Variants in ZZEF1 observed in about 807,000 individuals in gnomAD.
The protein encoded by ZZEF1 is zinc finger ZZ-type and EF-hand domain containing 1, also known as zinc finger ZZ-type and EF-hand domain-containing protein 1.
A neutral mutation model predicts 342.8 loss-of-function variants in ZZEF1; 157 were observed. That is an observed-to-expected ratio of 0.46 (90% CI 0.40 to 0.52). The LOEUF is 0.52. Ranked by LOEUF, ZZEF1 falls within the 20% of genes least tolerant of loss-of-function variation. The pLI is 0.00. For missense variants in ZZEF1, 3,480 were observed against 3,725.6 expected (o/e 0.93, Z 1.72); for synonymous variants, 1,505 against 1,429.1 (o/e 1.05, Z -1.20).
At chr17:4,019,603 C>T in intron 46 of ZZEF1, 66 bp downstream of exon 46, 1 of 1,434,620 alleles carries the variant, frequency 7.0e-7, no homozygotes, top group Non-Finnish European at 9.7e-7. Flanking sequence ...CCAGGAGGCG[C>T]ACACCCTCCC....
At position 4,017,909 on chromosome 17, in the gene ZZEF1, G is replaced by C. The variant is rs142933706; in HGVS notation, c.7568C>G (p.Pro2523Arg). ...RIRSLAQRWQ[P>R]SKSLRLEEQS... ...TTCTTCCAGCCTCAGACTCTTACTG[G>C]GCTGCCACCGCTGAGCCAGGGACCG... The change falls in exon 47 of 55, where the codon CCC (proline) becomes CGC (arginine). Residue 2523 changes from proline to arginine, a missense_variant. This residue lies in a region of ZZEF1 where 1,269 missense variants were observed against 1,342.4 expected (regional missense o/e 0.95). Transcript: ENST00000381638. The surrounding 1 kb of genome is among the most constrained non-coding windows in gnomAD (Gnocchi z 5.1). 779 of 1,614,064 alleles carry C rather than the reference G, an allele frequency of 4.8e-4. 9 individuals carry two copies. The East Asian group carries it at 0.012, about 26-fold the overall frequency.
intron 26 of ZZEF1, among the ~76,000 whole-genome samples, chr17:4,067,742 AT>A (rs1292531415): frequency 6.6e-6 from 1 of 152,080 alleles, no homozygotes; most frequent in East Asian, 1.9e-4. Flanking sequence ...TATTGTTTAA[AT>A]TTTTTTAAGA....
intron 18 of ZZEF1, among the ~76,000 whole-genome samples, chr17:4,079,514 A>C (rs1310239227): frequency 6.6e-6 from 1 of 152,236 alleles, no homozygotes; most frequent in African/African-American, 2.4e-5. Context: ...AGACTCAGAG[A>C]TGGGCAGAAG....
chr17:4,036,426 C>T (rs1328729138), intron 39 of ZZEF1, among the ~76,000 whole-genome samples: 1 of 152,060 alleles, frequency 6.6e-6, no homozygotes, highest in Non-Finnish European at 1.5e-5. Flanking sequence ...ATATTGGATA[C>T]CTTCAGTTTG....
At chr17:4,137,348 T>C (rs9909206) in intron 1 of ZZEF1, among the ~76,000 whole-genome samples, 36,573 of 152,158 alleles carry the variant, frequency 0.24, 5,051 homozygotes, top group African/African-American at 0.38. Context: ...CGATGGCTCA[T>C]GCCTGTAATC....
chr17:4,077,604 G>A (rs1053950835), intron 19 of ZZEF1, among the ~76,000 whole-genome samples: 2 of 152,180 alleles, frequency 1.3e-5, no homozygotes, highest in Non-Finnish European at 2.9e-5. Context: ...GAGACATCAC[G>A]TAAGAGTGCT....
chr17:4,054,998 T>C (rs1290997668), intron 33 of ZZEF1, among the ~76,000 whole-genome samples: 1 of 152,150 alleles, frequency 6.6e-6, no homozygotes, highest in African/African-American at 2.4e-5. Flanking sequence ...GGGTACGTGG[T>C]TGGACGATGG....
intron 54 of ZZEF1, among the ~76,000 whole-genome samples, chr17:4,007,189 G>A (rs2055821966): frequency 6.6e-6 from 1 of 152,244 alleles, no homozygotes; most frequent in Non-Finnish European, 1.5e-5. Context: ...ACTGCCCAGA[G>A]GGGCAGTCCC....
chr17:4,017,797 G>A lies in ZZEF1; in HGVS notation c.7641+39C>T, dbSNP rs1363954226. The A allele has an allele frequency of 6.2e-7, 1 of 1,613,826 alleles. No individual in the cohort carries two copies. The highest frequency in any genetic ancestry group is 8.5e-7 in the Non-Finnish European group (1 of 1,179,982). On this transcript the variant is annotated intron_variant, in intron 47 of 54. Coordinates refer to ENST00000381638, the MANE Select transcript of ZZEF1 (RefSeq NM_015113.4). This position sits in a 1 kb window ranked among gnomAD's most constrained non-coding sequence, Gnocchi z 5.1. ...ACAGTGGTGGTATGGGGTGGGGGAT[G>A]GGGTGCAGATACTTTGGGTCCGAGG...
chr17:4,016,562 C>T lies in ZZEF1; in HGVS notation c.8002-96G>A, dbSNP rs1175005286. 8 of 1,456,478 alleles carry T rather than the reference C, an allele frequency of 5.5e-6. No individual in the cohort carries two copies. In the East Asian group the frequency reaches 1.4e-4, roughly 26 times the overall value. The allele number at this position is 1,456,478 out of a possible 1,614,324, so 90.2% of individuals were successfully genotyped here. A position where few individuals can be genotyped will look rare whatever the true frequency, so the allele number is the denominator to read the frequency against. On this transcript the variant is annotated intron_variant, in intron 48 of 54. Coordinates refer to ENST00000381638, the MANE Select transcript of ZZEF1 (RefSeq NM_015113.4). This position sits in a 1 kb window ranked among gnomAD's most constrained non-coding sequence, Gnocchi z 4.4. ...CCCAAGCTCCACCCAAAGGTGCTGG[C>T]ATCATCTTAGACCTAGGACGAGCCT...
intron 35 of ZZEF1, 128 bp from the exon 36 acceptor site, chr17:4,051,171 C>T: frequency 8.1e-7 from 1 of 1,231,560 alleles, no homozygotes; most frequent in East Asian, 2.3e-5. Context: ...GATGCGCTTA[C>T]TGAAAATGTA....
intron 29 of ZZEF1, among the ~76,000 whole-genome samples, chr17:4,063,669 C>T (rs1178525015): frequency 6.6e-6 from 1 of 152,048 alleles, no homozygotes; most frequent in Non-Finnish European, 1.5e-5. Flanking sequence ...TCAAGTGATC[C>T]TCCTGCCTCA....
At chr17:4,033,959 T>TA in intron 40 of ZZEF1, 56 bp downstream of exon 40, 1 of 1,589,770 alleles carries the variant, frequency 6.3e-7, no homozygotes, top group Non-Finnish European at 8.6e-7. Flanking sequence ...CTTAAACAAA[T>TA]AAACACCAAG....
At chr17:4,102,502 T>A in intron 8 of ZZEF1, 87 bp from the exon 9 acceptor site, 1 of 1,149,884 alleles carries the variant, frequency 8.7e-7, no homozygotes, top group Non-Finnish European at 1.3e-6. Flanking sequence ...TAGAGTCCTG[T>A]GGCTACCCAG....
Position 4,004,763 on chromosome 17 carries a change from A to G in ZZEF1, c.*2127T>C, listed in dbSNP as rs887794833. The G allele has an allele frequency of 4.6e-5, 7 of 152,246 alleles. No homozygotes were observed. The highest frequency in any genetic ancestry group is 1.7e-4 in the African/African-American group (7 of 41,460). The allele number at this position is 152,246 out of a possible 1,614,324, so 9.4% of individuals were successfully genotyped here. A position where few individuals can be genotyped will look rare whatever the true frequency, so the allele number is the denominator to read the frequency against. On this transcript the variant is annotated 3_prime_UTR_variant, in exon 55 of 55. Coordinates refer to ENST00000381638, the MANE Select transcript of ZZEF1 (RefSeq NM_015113.4). ...CCTCCTCCGGGCCTGGGGCTCCTGG[A>G]AAGCGCCGGGACGCGGCGGCTCTGG...
At position 4,118,312 on chromosome 17, in the gene ZZEF1, T is replaced by C. The variant is rs116189784; in HGVS notation, c.500-1146A>G. 6.5e-3 allele frequency among the ~76,000 whole-genome samples: 992 copies of C among 152,276 alleles called. 14 individuals are homozygous for C. The highest frequency in any genetic ancestry group is 0.023 in the African/African-American group (936 of 41,548). On this transcript the variant is annotated intron_variant, in intron 2 of 54. Coordinates refer to ENST00000381638, the MANE Select transcript of ZZEF1 (RefSeq NM_015113.4). The stretch of plus-strand genomic sequence containing the variant: ...CAGGCAGTTCAGGTCACACGGTAAA[T>C]TGCTGACCCATAGTCCAATGTTCAG...
chr17:4,066,482 CTA>C lies in ZZEF1; in HGVS notation c.4212_4213del (p.His1404GlnfsTer6). On this transcript the variant is annotated frameshift_variant, in exon 28 of 55. Coordinates refer to ENST00000381638, the MANE Select transcript of ZZEF1 (RefSeq NM_015113.4). LOFTEE classifies it high-confidence loss of function. ...AGGGTTCACCTCAGTAGCTTCTGAA[CTA>C]TGTTTTTCTTCTGCTTCATTCCCCA... The C allele has an allele frequency of 6.2e-7, 1 of 1,614,150 alleles. No individual in the cohort carries two copies.
Position 4,057,998 on chromosome 17 carries a change from T to G in ZZEF1, c.5161A>C (p.Ile1721Leu). The G allele has an allele frequency of 6.2e-7, 1 of 1,614,078 alleles. No homozygotes were observed. Among genetic ancestry groups the G allele is most frequent in the Middle Eastern group, 1.6e-4 (1 of 6,062 alleles). The stretch of plus-strand genomic sequence containing the variant: ...AGCGCAGGACCGTGCTCTTACCTGA[T>G]CACACTGTCATGGACACTTATATTC... Reference protein sequence around the residue: ...QENISVHDSVISQWSEEDELA... With the variant: ...QENISVHDSVLSQWSEEDELA... The change falls in exon 32 of 55, where the codon ATC (isoleucine) becomes CTC (leucine). Residue 1721 changes from isoleucine to leucine, a missense_variant. This residue lies in a region of ZZEF1 where 175 missense variants were observed against 254.6 expected (regional missense o/e 0.69). Coordinates refer to ENST00000381638, the MANE Select transcript of ZZEF1 (RefSeq NM_015113.4).
At position 4,012,985 on chromosome 17, in the gene ZZEF1, G is replaced by A. The variant is rs535653238; in HGVS notation, c.8579+464C>T. Among the ~76,000 whole-genome samples the A allele has an allele frequency of 6.6e-5, 10 of 151,838 alleles. No homozygotes were observed. In the East Asian group the frequency reaches 1.4e-3, roughly 21 times the overall value. ...ATAAATAGAGGAATATATAATGGCCGTGGATTAGAGGACTTGATGTTCTAA... is the reference window on the plus strand; with the variant it reads ...ATAAATAGAGGAATATATAATGGCCATGGATTAGAGGACTTGATGTTCTAA... On this transcript the variant is annotated intron_variant, in intron 52 of 54. Transcript: ENST00000381638.
Sources: allele counts gnomAD v4.1 joint callset (sites outside exome capture counted in the v4.1 genomes callset), GRCh38; gene constraint gnomAD v4.1.1; regional missense constraint gnomAD v4.1.1; non-coding constraint Gnocchi (gnomAD v3.1); transcripts MANE v1.5; gene names NCBI Gene and HGNC (gene_info 2026-07-23, HGNC 2026-07-21).